The following F8 variants were observed in gnomAD, a reference collection of about 807,000 sequenced individuals.
F8 encodes the protein antihemophilic factor.
F8 carries 12 observed loss-of-function variants against 140.6 expected under a neutral mutation model. The observed-to-expected ratio is 0.09, with a 90% CI of 0.05 to 0.14. The LOEUF is 0.14. Among genes scored for constraint, F8 ranks in the 10% least tolerant of loss-of-function variants. The pLI, the probability that F8 is intolerant of heterozygous loss-of-function variation, is 1.00. For synonymous variants in F8, 585 were observed against 614.6 expected, an observed-to-expected ratio of 0.95 and a Z score of 0.71; for missense variants, 1,354 against 1,720.7, an observed-to-expected ratio of 0.79 and a Z score of 3.77.
At chrX:155,018,180 A>G (rs782286056) in intron 1 of F8, among the ~76,000 whole-genome samples, 16 of 111,249 alleles carry the variant, frequency 1.4e-4, no homozygotes, top group African/African-American at 5.2e-4. Flanking sequence ...TTGCTTATTT[A>G]TATCTCCAAG....
chrX:154,925,779 G>A (rs782573831), intron 14 of F8, among the ~76,000 whole-genome samples: 1 of 112,725 alleles, frequency 8.9e-6, no homozygotes, highest in Non-Finnish European at 1.9e-5. Context: ...CATGCTCATA[G>A]GTGGAAGGGA....
At position 155,008,273 on chromosome X, in the gene F8, A is replaced by G. The variant is rs2073686672; in HGVS notation, c.144-8673T>C. ...TTGGGAATCAAAGAGTGGCAGCAAAAGAACTCTGATTAGCACCCCCGCCAA... is the reference window on the plus strand; with the variant it reads ...TTGGGAATCAAAGAGTGGCAGCAAAGGAACTCTGATTAGCACCCCCGCCAA... On this transcript the variant is annotated intron_variant, in intron 1 of 25. Transcript: ENST00000360256. Among the ~76,000 whole-genome samples the G allele has an allele frequency of 2.7e-5, 3 of 111,848 alleles. No individual in the cohort carries two copies. In the Admixed American group the frequency reaches 2.8e-4, roughly 10 times the overall value.
In F8 at chrX:154,896,204, T is replaced by C. The variant is rs782783761; in HGVS notation, c.6302A>G (p.His2101Arg). The change falls in exon 22 of 26, where the codon CAC (histidine) becomes CGC (arginine). Residue 2101 changes from histidine (H) to arginine (R), a missense_variant. By Grantham distance (29) the His-to-Arg change is conservative. Transcript: ENST00000360256. ...KVDLLAPMII[H>R]GIKTQGARQK... The stretch of plus-strand genomic sequence containing the variant: ...ACGGGCACCCTGGGTCTTGATGCCG[T>C]GAATAATCATTGGTGCCAACAGATC... 4.1e-6 allele frequency: 5 copies of C among 1,209,297 alleles called. No individual in the cohort carries two copies. In the Admixed American group the frequency reaches 8.8e-5, roughly 21 times the overall value.
At chrX:154,957,250 G>T in intron 10 of F8, 79 bp from the exon 11 acceptor site, 2 of 797,217 alleles carry the variant, frequency 2.5e-6, no homozygotes, top group East Asian at 3.1e-5. Context: ...TTGTTGCAAG[G>T]GTTCTACAAA....
At chrX:154,838,012 T>C (rs782811175) in intron 25 of F8, among the ~76,000 whole-genome samples, 1 of 112,356 alleles carries the variant, frequency 8.9e-6, no homozygotes, top group African/African-American at 3.2e-5. Flanking sequence ...TGCTTTGTCC[T>C]GGGTCACACA....
chrX:154,994,169 T>C (rs950986991), intron 3 of F8, among the ~76,000 whole-genome samples: 4 of 112,521 alleles, frequency 3.6e-5, no homozygotes, highest in Non-Finnish European at 7.5e-5. Context: ...AATTTAATAT[T>C]TTTGTGAGTG....
Position 154,906,531 on chromosome X carries a change from G to A in F8, c.5262C>T (p.Phe1754=). The change falls in exon 15 of 26, where the codon TTC becomes TTT. Residue 1754 remains phenylalanine (F), a synonymous_variant. Transcript: ENST00000360256. ...GSVPQFKKVV[F]QEFTDGSFTQ... Reference sequence around the variant, plus strand: ...TAAAGGAGCCATCAGTAAATTCCTGGAAAACAACTTTCTTGAACTGAGGGA... The same window carrying A: ...TAAAGGAGCCATCAGTAAATTCCTGAAAAACAACTTTCTTGAACTGAGGGA... 2 of 1,210,593 alleles carry A rather than the reference G, an allele frequency of 1.7e-6. No homozygotes were observed. The highest frequency in any genetic ancestry group is 3.5e-5 in the South Asian group (2 of 56,922).
In F8 at chrX:154,935,208, T is replaced by TA. The variant is rs782281243; in HGVS notation, c.2114-3533dup. On this transcript the variant is annotated intron_variant, in intron 13 of 25. Transcript: ENST00000360256. ...AAAACGAATAAAAGAAGAGCAGTAA[T>TA]AAAAAAAATGTTGCCAAGGAGAAGA... 5.4e-5 allele frequency among the ~76,000 whole-genome samples: 6 copies of TA among 110,160 alleles called. No individual in the cohort carries two copies. In the South Asian group the frequency reaches 1.9e-3, roughly 35 times the overall value.
chrX:154,877,318 G>C (rs2072824230), intron 22 of F8, among the ~76,000 whole-genome samples: 1 of 111,340 alleles, frequency 9.0e-6, no homozygotes, highest in Non-Finnish European at 1.9e-5. Flanking sequence ...GTAATCACAA[G>C]AGGCCTTGAA....
chrX:154,904,513 C>T lies in F8; in HGVS notation c.5598G>A (p.Val1866=), dbSNP rs782581871. ...GAAGGGGTCCAATCAGGCCTGAGTG[C>T]ACATCTTTTTCCTAGGGAGGGAAGA... The part of the protein sequence containing the change: ...YFSDVDLEKD[V]HSGLIGPLLV... The change falls in exon 17 of 26, where the codon GTG becomes GTA. Residue 1866 remains valine, a synonymous_variant. Transcript: ENST00000360256. 226 of 1,204,246 alleles carry T rather than the reference C, an allele frequency of 1.9e-4. 1 individual carries two copies. Among genetic ancestry groups the T allele is most frequent in the Admixed American group, 1.1e-3 (50 of 45,649 alleles).
intron 9 of F8, among the ~76,000 whole-genome samples, chrX:154,964,357 A>G (rs1557281822): frequency 8.9e-6 from 1 of 112,194 alleles, no homozygotes; most frequent in East Asian, 2.8e-4. Context: ...AAATTATACA[A>G]TCTTCAAAAA....
intron 25 of F8, among the ~76,000 whole-genome samples, chrX:154,845,228 A>T (rs1322557440): frequency 1.1e-4 from 12 of 111,939 alleles, no homozygotes; most frequent in African/African-American, 3.9e-4. Context: ...ATCAATGTTC[A>T]TCAGGGATAT....
rs782011590 is a variant in F8 at position 154,995,951 on chromosome X, G to T, written c.388+1022C>A. ...GGTGTCCCCTCATTGGATAAGATGT[G>T]GCCATTTGGGGGTCCCAAAAGGTGT... On this transcript the variant is annotated intron_variant, in intron 3 of 25. Coordinates refer to ENST00000360256, the MANE Select transcript of F8 (RefSeq NM_000132.4). Among the ~76,000 whole-genome samples, 9 of 110,928 alleles carry T rather than the reference G, an allele frequency of 8.1e-5. No individual in the cohort carries two copies. The South Asian group carries it at 3.4e-3, about 42-fold the overall frequency.
intron 12 of F8, among the ~76,000 whole-genome samples, chrX:154,953,068 T>C (rs782713693): frequency 8.9e-6 from 1 of 112,259 alleles, no homozygotes; most frequent in East Asian, 2.8e-4. Context: ...TGTTATTCTA[T>C]TTCGCATTTC....
chrX:154,924,599 T>C (rs1228740160), intron 14 of F8, among the ~76,000 whole-genome samples: 1 of 112,156 alleles, frequency 8.9e-6, no homozygotes, highest in Non-Finnish European at 1.9e-5. Flanking sequence ...CACTAGGTGG[T>C]ACCCCAGCAG....
chrX:154,859,632 G>A (rs1557272687), intron 25 of F8, among the ~76,000 whole-genome samples: 1 of 111,370 alleles, frequency 9.0e-6, no homozygotes, highest in Non-Finnish European at 1.9e-5. Flanking sequence ...AGTTCATCAT[G>A]TTGTGGCACT....
intron 14 of F8, among the ~76,000 whole-genome samples, chrX:154,926,853 G>C (rs1173891339): frequency 8.9e-6 from 1 of 112,012 alleles, no homozygotes. Context: ...TCTGCAGATA[G>C]ATAGTACTTA....
At chrX:155,013,420 T>C (rs1208796243) in intron 1 of F8, among the ~76,000 whole-genome samples, 1 of 111,095 alleles carries the variant, frequency 9.0e-6, no homozygotes, top group Non-Finnish European at 1.9e-5. Flanking sequence ...GTGTCTTTGC[T>C]CCTCCTTTGC....
At chrX:154,919,384 T>C (rs782487080) in intron 14 of F8, among the ~76,000 whole-genome samples, 4 of 112,247 alleles carry the variant, frequency 3.6e-5, no homozygotes, top group Non-Finnish European at 7.5e-5. Flanking sequence ...TATGCTTGTC[T>C]GAAAATGTAT....
Sources: allele counts gnomAD v4.1 joint callset (sites outside exome capture counted in the v4.1 genomes callset), GRCh38; gene constraint gnomAD v4.1.1; transcripts MANE v1.5; gene names NCBI Gene and HGNC (gene_info 2026-07-23, HGNC 2026-07-21).